NRCAM: variants seen among roughly 807,000 people sequenced by gnomAD.
NRCAM encodes the protein neuronal cell adhesion molecule, also known as NgCAM-related cell adhesion molecule.
A neutral mutation model predicts 156.5 loss-of-function variants in NRCAM; 83 were observed. The observed-to-expected ratio is 0.53, with a 90% CI of 0.44 to 0.64. The LOEUF (loss-of-function observed/expected upper bound fraction) is 0.64, where lower values mean the gene tolerates loss of function less well. Among genes scored for constraint, NRCAM ranks in the 30% least tolerant of loss-of-function variants. NRCAM has a pLI of 0.00. For synonymous variants in NRCAM, 538 were observed against 563.9 expected, an observed-to-expected ratio of 0.95 and a Z score of 0.65; for missense variants, 1,417 against 1,597.3, an observed-to-expected ratio of 0.89 and a Z score of 1.92.
intron 32 of NRCAM, among the ~76,000 whole-genome samples, chr7:108,157,649 T>A (rs1011486754): frequency 6.6e-6 from 1 of 152,142 alleles, no homozygotes; most frequent in African/African-American, 2.4e-5. Flanking sequence ...GCTTCCAGTA[T>A]ACCATCACCC....
intron 3 of NRCAM, among the ~76,000 whole-genome samples, chr7:108,259,654 T>C (rs2096818707): frequency 2.0e-5 from 3 of 152,200 alleles, no homozygotes; most frequent in Admixed American, 2.0e-4. Flanking sequence ...AATGGAATAC[T>C]ATGCAGCCAT....
intron 32 of NRCAM, among the ~76,000 whole-genome samples, chr7:108,155,123 C>T (rs1397038854): frequency 1.7e-4 from 25 of 149,040 alleles, no homozygotes; most frequent in African/African-American, 4.4e-4. Flanking sequence ...CACACACACA[C>T]ACACACACAC....
chr7:108,299,121 AG>A (rs1563164059), intron 3 of NRCAM, among the ~76,000 whole-genome samples: 20 of 108,940 alleles, frequency 1.8e-4, no homozygotes, highest in African/African-American at 2.8e-4. Flanking sequence ...AAAAAAAGAA[AG>A]AAAGAAAGAA....
intron 3 of NRCAM, among the ~76,000 whole-genome samples, chr7:108,297,425 G>A (rs1370763026): frequency 6.6e-6 from 1 of 152,144 alleles, no homozygotes; most frequent in Non-Finnish European, 1.5e-5. Flanking sequence ...AGAAATCAGG[G>A]TGTCACAGAA....
At chr7:108,411,769 G>A (rs1795691451) in intron 1 of NRCAM, among the ~76,000 whole-genome samples, 1 of 152,042 alleles carries the variant, frequency 6.6e-6, no homozygotes. Flanking sequence ...CCGACCTCGT[G>A]ATCTGCCCGC....
Position 108,191,776 on chromosome 7 carries a change from T to A in NRCAM, c.1856A>T (p.Asn619Ile). 6.2e-7 allele frequency: 1 copy of A among 1,614,058 alleles called. No homozygotes were observed. Among genetic ancestry groups the A allele is most frequent in the South Asian group, 1.1e-5 (1 of 91,070 alleles). Residue 619 changes from asparagine to isoleucine, a missense_variant, in exon 18 of 33, where the codon AAC becomes ATC. Asn to Ile is a moderately radical substitution (Grantham distance 149). Around this residue, in one of 2 missense-constraint regions of NRCAM, gnomAD observed 1,238 missense variants for 1,336.4 expected, o/e 0.93. Coordinates refer to ENST00000379028, the MANE Select transcript of NRCAM (RefSeq NM_001037132.4). Reference protein sequence around the residue: ...DDSGTYTCVANTTLDSVSASA... With the variant: ...DDSGTYTCVAITTLDSVSASA... ...GGCGGAGACGCTGTCCAGAGTGGTG[T>A]TGGCCACACACGTGTAGGTCCCGCT...
intron 10 of NRCAM, among the ~76,000 whole-genome samples, chr7:108,224,147 TG>T (rs2092969112): frequency 1.3e-5 from 2 of 152,180 alleles, no homozygotes; most frequent in South Asian, 4.1e-4. Flanking sequence ...ATTTTCAATA[TG>T]TTGACATGGA....
At chr7:108,349,014 C>T (rs1445714920) in intron 2 of NRCAM, among the ~76,000 whole-genome samples, 2 of 151,806 alleles carry the variant, frequency 1.3e-5, no homozygotes, top group African/African-American at 2.4e-5. Flanking sequence ...GGAAGTTTTG[C>T]TATGTGATGC....
At chr7:108,299,114 A>AAAAAAAAAAAAAAGGAAAG in intron 3 of NRCAM, among the ~76,000 whole-genome samples, 1 of 25,516 alleles carries the variant, frequency 3.9e-5, no homozygotes, top group African/African-American at 1.1e-4. Flanking sequence ...TCAAAAAAAA[A>AAAAAAAAAAAAAAGGAAAG]AAAGAAAGAA....
intron 2 of NRCAM, among the ~76,000 whole-genome samples, chr7:108,336,696 C>T (rs760813835): frequency 1.1e-4 from 16 of 152,174 alleles, no homozygotes; most frequent in Non-Finnish European, 1.6e-4. Flanking sequence ...CATCCTCACA[C>T]ATTTCAAAAA....
intron 3 of NRCAM, among the ~76,000 whole-genome samples, chr7:108,304,389 C>CTT (rs11417635): frequency 0.034 from 5,010 of 147,246 alleles, 225 homozygotes; most frequent in African/African-American, 0.1. Flanking sequence ...CTATTCCATG[C>CTT]TTTTTTTTTT....
intron 2 of NRCAM, among the ~76,000 whole-genome samples, chr7:108,340,726 G>A (rs1293470070): frequency 6.6e-6 from 1 of 152,118 alleles, no homozygotes; most frequent in East Asian, 1.9e-4. Context: ...TATAACACAG[G>A]GTAAGGAAGA....
chr7:108,173,542 G>A (rs1398978939), intron 28 of NRCAM, among the ~76,000 whole-genome samples: 1 of 152,040 alleles, frequency 6.6e-6, no homozygotes, highest in Non-Finnish European at 1.5e-5. Context: ...GAAAACCCAG[G>A]ATCACAAATT....
chr7:108,338,144 C>A (rs1442792343), intron 2 of NRCAM, among the ~76,000 whole-genome samples: 1 of 152,210 alleles, frequency 6.6e-6, no homozygotes, highest in Non-Finnish European at 1.5e-5. Context: ...AAATTCCCGG[C>A]AGTAGCCGGT....
chr7:108,168,256 G>T, intron 29 of NRCAM, 21 bp downstream of exon 29: 1 of 1,476,456 alleles, frequency 6.8e-7, no homozygotes, highest in Non-Finnish European at 9.0e-7. Context: ...TTAAAAATCG[G>T]GTAATGAAAT....
chr7:108,344,919 T>C (rs2099337407), intron 2 of NRCAM, among the ~76,000 whole-genome samples: 1 of 152,134 alleles, frequency 6.6e-6, no homozygotes, highest in Admixed American at 6.5e-5. Flanking sequence ...TGCCTTTCAT[T>C]ATATGAAGTC....
chr7:108,341,075 G>T (rs901173356), intron 2 of NRCAM, among the ~76,000 whole-genome samples: 1 of 149,220 alleles, frequency 6.7e-6, no homozygotes, highest in African/African-American at 2.6e-5. Flanking sequence ...TTCCAGTGTG[G>T]TCTACAAGGA....
chr7:108,334,779 T>C (rs946344537), intron 2 of NRCAM, among the ~76,000 whole-genome samples: 2 of 152,106 alleles, frequency 1.3e-5, no homozygotes, highest in African/African-American at 4.8e-5. Context: ...TCCCACTTGA[T>C]TTCTTCAGAT....
intron 30 of NRCAM, among the ~76,000 whole-genome samples, chr7:108,162,985 C>T (rs532986904): frequency 6.6e-6 from 1 of 152,076 alleles, no homozygotes; most frequent in African/African-American, 2.4e-5. Flanking sequence ...AAGCCATAAC[C>T]ATGATCATGC....
Sources: gnomAD v4.1 joint callset for allele counts (sites outside exome capture counted in the v4.1 genomes callset) on GRCh38, gnomAD v4.1.1 for gene constraint, gnomAD v4.1.1 regional missense constraint, MANE v1.5 for transcripts, NCBI Gene and HGNC (gene_info 2026-07-23, HGNC 2026-07-21) for gene names.